YARS1: variants seen among roughly 807,000 people sequenced by gnomAD.
YARS1 encodes tyrosyl-tRNA synthetase 1.
A neutral mutation model predicts 62.2 loss-of-function variants in YARS1; 36 were observed. The ratio of observed to expected loss-of-function variants is 0.58; its 90% CI spans 0.44 to 0.76. YARS1 has a LOEUF of 0.76. Ranked by LOEUF, YARS1 falls within the 30% of genes least tolerant of loss-of-function variation. YARS1 has a pLI of 0.00. For missense variants in YARS1, 524 were observed against 639.8 expected (o/e 0.82, Z 1.95); for synonymous variants, 234 against 244.9 (o/e 0.96, Z 0.42).
chr1:32,789,588 A>ATT (rs11318209), intron 6 of YARS1, among the ~76,000 whole-genome samples: 94 of 136,388 alleles, frequency 6.9e-4, no homozygotes, highest in Admixed American at 4.3e-3. Flanking sequence ...TGGGCCAGGC[A>ATT]TTTTTTTTTT....
chr1:32,795,709 G>A (rs958574994), intron 5 of YARS1, among the ~76,000 whole-genome samples: 1 of 151,768 alleles, frequency 6.6e-6, no homozygotes, highest in African/African-American at 2.4e-5. Flanking sequence ...GGGAGGCTGA[G>A]GCAGGAGAAT....
intron 4 of YARS1, among the ~76,000 whole-genome samples, chr1:32,804,935 T>C (rs1350429012): frequency 6.6e-6 from 1 of 152,116 alleles, no homozygotes; most frequent in African/African-American, 2.4e-5. Flanking sequence ...CACTCCAGCC[T>C]GGGCAACATT....
At chr1:32,811,112 T>G in intron 1 of YARS1, 55 bp from the exon 2 acceptor site, 1 of 1,611,366 alleles carries the variant, frequency 6.2e-7, no homozygotes. Flanking sequence ...TTGCTCATCC[T>G]TTACCATGTG....
intron 1 of YARS1, among the ~76,000 whole-genome samples, chr1:32,816,108 CAAAAAAAAAA>C (rs71571726): frequency 1.8e-5 from 1 of 54,070 alleles, no homozygotes; most frequent in African/African-American, 6.9e-5. Context: ...GACTCCGCCT[CAAAAAAAAAA>C]AAAAAAAAAA....
chr1:32,775,846 G>T lies in YARS1; in HGVS notation c.*135C>A. On this transcript the variant is annotated 3_prime_UTR_variant, in exon 13 of 13. Transcript: ENST00000373477. ...GGGAGGGTAAGCTGCCCCTTGCCGA[G>T]TTCTGCACCGAATAAAGAGTCCAAA... 1.2e-6 allele frequency: 1 copy of T among 841,834 alleles called. No individual in the cohort carries two copies. The highest frequency in any genetic ancestry group is 1.9e-6 in the Non-Finnish European group (1 of 514,274). The allele number at this position is 841,834 out of a possible 1,614,324, so 52.1% of individuals were successfully genotyped here. A position where few individuals can be genotyped will look rare whatever the true frequency, so the allele number is the denominator to read the frequency against.
At chr1:32,791,291 GT>G (rs1243806113) in intron 5 of YARS1, 37 bp from the exon 6 acceptor site, 2 of 1,555,778 alleles carry the variant, frequency 1.3e-6, no homozygotes, top group Non-Finnish European at 1.8e-6. Flanking sequence ...GCCGATATTA[GT>G]CTAAGTTCCT....
chr1:32,803,949 A>T (rs1395204918), intron 4 of YARS1, among the ~76,000 whole-genome samples: 1 of 152,100 alleles, frequency 6.6e-6, no homozygotes, highest in African/African-American at 2.4e-5. Context: ...ACTCTTAACG[A>T]GCATGCTGCC....
chr1:32,777,457 A>C (rs1408760634), intron 12 of YARS1, among the ~76,000 whole-genome samples: 2 of 152,144 alleles, frequency 1.3e-5, no homozygotes, highest in Non-Finnish European at 2.9e-5. Context: ...CTAAAAATAC[A>C]AAAATCAGCT....
In YARS1 at chr1:32,775,688, T is replaced by C. The variant is rs16866009; in HGVS notation, c.*293A>G. On this transcript the variant is annotated 3_prime_UTR_variant, in exon 13 of 13. Coordinates refer to ENST00000373477, the MANE Select transcript of YARS1 (RefSeq NM_003680.4). Reference sequence around the variant, plus strand: ...TTATAAGGACTGTGGCATAAATTTTTAAATGAGTTATATTGAAACCAGATT... The same window carrying C: ...TTATAAGGACTGTGGCATAAATTTTCAAATGAGTTATATTGAAACCAGATT... The C allele has an allele frequency of 0.036, 16,423 of 453,694 alleles. 404 individuals carry two copies. The highest frequency in any genetic ancestry group is 0.076 in the African/African-American group (3,919 of 51,382). 28.1% of individuals were successfully genotyped at this position (453,694 alleles called of 1,614,324 possible). A position where few individuals can be genotyped will look rare whatever the true frequency, so the allele number is the denominator to read the frequency against.
At chr1:32,787,761 G>A (rs552212981) in intron 6 of YARS1, among the ~76,000 whole-genome samples, 39 of 152,062 alleles carry the variant, frequency 2.6e-4, no homozygotes, top group African/African-American at 8.9e-4. Context: ...GATCTGCCCC[G>A]CCTTGGCCTC....
chr1:32,817,320 C>T lies in YARS1; in HGVS notation c.-76G>A, dbSNP rs527409239. 2 of 1,583,878 alleles carry T rather than the reference C, an allele frequency of 1.3e-6. No homozygotes were observed. Among genetic ancestry groups the T allele is most frequent in the African/African-American group, 1.3e-5 (1 of 74,604 alleles). Reference sequence around the variant, plus strand: ...CTGGGTCACCGTCGCCGCCGCGTGCCGGGAACTGTCACGCGAGTCCAGCCA... The same window carrying T: ...CTGGGTCACCGTCGCCGCCGCGTGCTGGGAACTGTCACGCGAGTCCAGCCA... On this transcript the variant is annotated 5_prime_UTR_variant, in exon 1 of 13. Coordinates refer to ENST00000373477, the MANE Select transcript of YARS1 (RefSeq NM_003680.4).
At chr1:32,794,341 C>G (rs1049510106) in intron 5 of YARS1, among the ~76,000 whole-genome samples, 1 of 151,838 alleles carries the variant, frequency 6.6e-6, no homozygotes, top group Non-Finnish European at 1.5e-5. Flanking sequence ...TAGAGGGAGA[C>G]TCAGTCTCAG....
intron 9 of YARS1, 66 bp from the exon 10 acceptor site, chr1:32,781,211 C>T: frequency 8.3e-7 from 1 of 1,209,472 alleles, no homozygotes; most frequent in Non-Finnish European, 1.2e-6. Flanking sequence ...CTGATCCCAC[C>T]ACGTTAAGAC....
At position 32,791,988 on chromosome 1, in the gene YARS1, C is replaced by T. The variant is rs536267140; in HGVS notation, c.592-734G>A. Among the ~76,000 whole-genome samples the T allele has an allele frequency of 5.9e-5, 9 of 152,162 alleles. No individual in the cohort carries two copies. The South Asian group carries it at 1.9e-3, about 32-fold the overall frequency. ...ACAGCGAAAGACTAAGCAGAGGAAA[C>T]AGCTATTGGAGTTCAGGGCTGGAGG... On this transcript the variant is annotated intron_variant, in intron 5 of 12. Transcript: ENST00000373477.
At chr1:32,816,073 C>T (rs539029874) in intron 1 of YARS1, among the ~76,000 whole-genome samples, 51 of 141,464 alleles carry the variant, frequency 3.6e-4, no homozygotes, top group Non-Finnish European at 7.3e-4. Context: ...TGGGCCACTG[C>T]ACTCCAGCCT....
intron 8 of YARS1, among the ~76,000 whole-genome samples, chr1:32,785,685 C>T (rs1049619391): frequency 6.6e-6 from 1 of 151,556 alleles, no homozygotes; most frequent in Non-Finnish European, 1.5e-5. Context: ...CAGGTTCAAG[C>T]GAATCCCCTG....
intron 5 of YARS1, among the ~76,000 whole-genome samples, chr1:32,796,858 G>C (rs1337144195): frequency 2.1e-5 from 3 of 146,238 alleles, no homozygotes; most frequent in Non-Finnish European, 4.5e-5. Flanking sequence ...CCAGCTACTC[G>C]GCAGGCTGAG....
At chr1:32,779,352 C>A in intron 12 of YARS1, 30 bp downstream of exon 12, 2 of 1,614,108 alleles carry the variant, frequency 1.2e-6, no homozygotes, top group Non-Finnish European at 1.7e-6. Flanking sequence ...GGCAGCCCAG[C>A]CAAGAAAGGG....
rs115576947 is a variant in YARS1 at position 32,791,274 on chromosome 1, C to T, written c.592-20G>A. 6.9e-6 allele frequency: 11 copies of T among 1,602,644 alleles called. No homozygotes were observed. The highest frequency in any genetic ancestry group is 4.0e-5 in the African/African-American group (3 of 74,776). On this transcript the variant is annotated intron_variant, in intron 5 of 12. Coordinates refer to ENST00000373477, the MANE Select transcript of YARS1 (RefSeq NM_003680.4). ...GAGGTACTGAGAGATTAGAGAAACA[C>T]ACAAAAGCCGATATTAGTCTAAGTT... is the stretch of plus-strand genomic sequence containing the variant.
Sources: allele counts gnomAD v4.1 joint callset (sites outside exome capture counted in the v4.1 genomes callset), GRCh38; gene constraint gnomAD v4.1.1; transcripts MANE v1.5; gene names NCBI Gene and HGNC (gene_info 2026-07-23, HGNC 2026-07-21).